Variants in EPHB1 observed in about 807,000 individuals in gnomAD.
EPHB1 encodes ephrin type-B receptor 1.
In EPHB1, 30 loss-of-function variants were observed where a neutral mutation model predicts 94.4. That is an observed-to-expected ratio of 0.32 (90% CI 0.24 to 0.43). EPHB1 has a LOEUF of 0.43. Among genes scored for constraint, EPHB1 ranks in the 20% least tolerant of loss-of-function variants. The pLI is 1.00. For synonymous variants in EPHB1, 522 were observed against 489.1 expected (o/e 1.07, Z -0.89); for missense variants, 1,055 against 1,308.3 (o/e 0.81, Z 2.99).
intron 3 of EPHB1, among the ~76,000 whole-genome samples, chr3:135,027,271 G>A (rs1936219579): frequency 6.6e-6 from 1 of 151,846 alleles, no homozygotes; most frequent in Non-Finnish European, 1.5e-5. Context: ...AGTGGTGAGA[G>A]AGGGCATCCC....
chr3:135,048,244 CTTTCTTTCTTT>C (rs1937062222), intron 3 of EPHB1, among the ~76,000 whole-genome samples: 1 of 81,086 alleles, frequency 1.2e-5, no homozygotes, highest in African/African-American at 5.0e-5. Flanking sequence ...TTTTCTTTTT[CTTTCTTTCTTT>C]TTTCTTTTTT....
At chr3:135,146,047 G>A (rs1940998145) in intron 5 of EPHB1, among the ~76,000 whole-genome samples, 1 of 152,198 alleles carries the variant, frequency 6.6e-6, no homozygotes, top group African/African-American at 2.4e-5. Flanking sequence ...CTGATGGAGA[G>A]CAGAGGTGAG....
chr3:135,016,304 G>T (rs780462650), intron 3 of EPHB1, among the ~76,000 whole-genome samples: 9 of 152,174 alleles, frequency 5.9e-5, no homozygotes, highest in Non-Finnish European at 1.0e-4. Context: ...GGGGTGTGTG[G>T]TTTCACCTAG....
chr3:135,051,060 T>G (rs1232083102), intron 3 of EPHB1, among the ~76,000 whole-genome samples: 1 of 152,186 alleles, frequency 6.6e-6, no homozygotes, highest in African/African-American at 2.4e-5. Context: ...TTTTAAAATA[T>G]AAATTACCCA....
intron 4 of EPHB1, among the ~76,000 whole-genome samples, chr3:135,123,775 G>A (rs985521297): frequency 6.7e-6 from 1 of 148,350 alleles, no homozygotes; most frequent in African/African-American, 2.6e-5. Flanking sequence ...GACTGTTCGT[G>A]CTGTTCAGAG....
At chr3:135,072,163 C>T (rs943179438) in intron 3 of EPHB1, among the ~76,000 whole-genome samples, 1 of 151,996 alleles carries the variant, frequency 6.6e-6, no homozygotes, top group Non-Finnish European at 1.5e-5. Context: ...CACCTGAGGC[C>T]CAAGGTCAGG....
At chr3:135,140,009 A>T (rs534780489) in intron 5 of EPHB1, among the ~76,000 whole-genome samples, 1 of 152,274 alleles carries the variant, frequency 6.6e-6, no homozygotes, top group South Asian at 2.1e-4. Flanking sequence ...CAGAGTGCCC[A>T]CAGGACTCAG....
intron 10 of EPHB1, among the ~76,000 whole-genome samples, chr3:135,190,059 G>A (rs1942417739): frequency 6.6e-6 from 1 of 152,178 alleles, no homozygotes; most frequent in Non-Finnish European, 1.5e-5. Flanking sequence ...CTGAAACATA[G>A]CTATCTAGAG....
rs985758591 is a variant in EPHB1 at position 134,951,269 on chromosome 3, G to C, written c.124-102G>C. 2.9e-6 allele frequency: 3 copies of C among 1,047,964 alleles called. No individual in the cohort carries two copies. The highest frequency in any genetic ancestry group is 6.0e-5 in the Admixed American group (2 of 33,158). 64.9% of individuals were successfully genotyped at this position (1,047,964 alleles called of 1,614,324 possible). On this transcript the variant is annotated intron_variant, in intron 2 of 15. Coordinates refer to ENST00000398015, the MANE Select transcript of EPHB1 (RefSeq NM_004441.5). The surrounding 1 kb of genome is among the most constrained non-coding windows in gnomAD (Gnocchi z 4.5). Reference sequence around the variant, plus strand: ...ATCTGCTGGACTGGTGAGCTCTTAAGGCCCCTTAGCCCCAGGATTCTCCTC... The same window carrying C: ...ATCTGCTGGACTGGTGAGCTCTTAACGCCCCTTAGCCCCAGGATTCTCCTC...
rs749882720 is a variant in EPHB1 at position 135,245,524 on chromosome 3, AAAAAAAAAAAAAT to A, written c.2497-2791_2497-2779del. On this transcript the variant is annotated intron_variant, in intron 13 of 15. Transcript: ENST00000398015. ...ACCAGAACAGTCTTCAAAAAAAAAA[AAAAAAAAAAAAAT>A]CGGCCCGTGCCTGTAATCCCAGCAC... Among the ~76,000 whole-genome samples, 1,429 of 151,616 alleles carry A rather than the reference AAAAAAAAAAAAAT, an allele frequency of 9.4e-3. 12 individuals are homozygous for A. Among genetic ancestry groups the A allele is most frequent in the Middle Eastern group, 0.069 (20 of 290 alleles).
chr3:134,933,711 T>A (rs969232618), intron 2 of EPHB1, among the ~76,000 whole-genome samples: 13 of 152,164 alleles, frequency 8.5e-5, no homozygotes, highest in African/African-American at 3.1e-4. Flanking sequence ...TGCTGACCTT[T>A]AACCTCCTGG....
intron 1 of EPHB1, among the ~76,000 whole-genome samples, chr3:134,855,143 T>C (rs2037084660): frequency 6.6e-6 from 1 of 152,234 alleles, no homozygotes; most frequent in South Asian, 2.1e-4. Flanking sequence ...ACCTGTTTGC[T>C]TATATATCTT....
At chr3:135,019,511 C>T (rs1358670344) in intron 3 of EPHB1, among the ~76,000 whole-genome samples, 3 of 152,006 alleles carry the variant, frequency 2.0e-5, no homozygotes, top group Non-Finnish European at 4.4e-5. Context: ...ATATGCCTAT[C>T]GTAGAAACAT....
chr3:135,163,886 A>T (rs1027382272), intron 7 of EPHB1, among the ~76,000 whole-genome samples: 1 of 152,150 alleles, frequency 6.6e-6, no homozygotes, highest in African/African-American at 2.4e-5. Context: ...CTGTCTGCAG[A>T]GCGAAGGTAG....
In EPHB1 at chr3:134,909,265, A is replaced by G. The variant is rs2038404657; in HGVS notation, c.59-16551A>G. On this transcript the variant is annotated intron_variant, in intron 1 of 15. Coordinates refer to ENST00000398015, the MANE Select transcript of EPHB1 (RefSeq NM_004441.5). ...CTGTGGGGGGCCTTTCAGGAACACA[A>G]CAAGGACCAAGGAAAGGGAATCCCA... Among the ~76,000 whole-genome samples the G allele has an allele frequency of 2.0e-5, 3 of 152,224 alleles. No homozygotes were observed. In the South Asian group the frequency reaches 6.2e-4, roughly 32 times the overall value.
intron 15 of EPHB1, among the ~76,000 whole-genome samples, chr3:135,256,578 C>G (rs917160758): frequency 6.6e-5 from 10 of 152,122 alleles, no homozygotes; most frequent in African/African-American, 1.9e-4. Flanking sequence ...GGGTTTCTGC[C>G]GAGAGATCTG....
At chr3:134,810,836 G>T (rs1461427449) in intron 1 of EPHB1, among the ~76,000 whole-genome samples, 1 of 152,190 alleles carries the variant, frequency 6.6e-6, no homozygotes, top group Non-Finnish European at 1.5e-5. Flanking sequence ...AGGCTTGAGT[G>T]TGCAGTCCTA....
rs533948510 is a variant in EPHB1 at position 135,022,960 on chromosome 3, G to C, written c.805+70908G>C. ...GTGTTTGTTGCTCCACATTTAGACA[G>C]TGTGTTGGTCAAGTAGAAAATGTCT... On this transcript the variant is annotated intron_variant, in intron 3 of 15. Transcript: ENST00000398015. Among the ~76,000 whole-genome samples the C allele has an allele frequency of 6.6e-5, 10 of 152,304 alleles. No individual in the cohort carries two copies. In the South Asian group the frequency reaches 1.9e-3, roughly 28 times the overall value.
intron 3 of EPHB1, among the ~76,000 whole-genome samples, chr3:135,051,717 T>G (rs1937173657): frequency 6.6e-6 from 1 of 152,244 alleles, no homozygotes; most frequent in Admixed American, 6.5e-5. Context: ...GCTATTTATT[T>G]ACTTGACTTT....
Sources: gnomAD v4.1 joint callset for allele counts (sites outside exome capture counted in the v4.1 genomes callset) on GRCh38, gnomAD v4.1.1 for gene constraint, Gnocchi (gnomAD v3.1) non-coding constraint, MANE v1.5 for transcripts, NCBI Gene and HGNC (gene_info 2026-07-23, HGNC 2026-07-21) for gene names.